GPC3: variants seen among roughly 807,000 people sequenced by gnomAD.
GPC3 encodes glypican 3.
GPC3 carries 3 observed loss-of-function variants against 34.4 expected under a neutral mutation model. The observed-to-expected ratio is 0.09, with a 90% CI of 0.04 to 0.23. GPC3 has a LOEUF of 0.23. Among genes scored for constraint, GPC3 ranks in the 10% least tolerant of loss-of-function variants. The pLI, the probability that GPC3 is intolerant of heterozygous loss-of-function variation, is 1.00. For missense variants in GPC3, 351 were observed against 445.6 expected (o/e 0.79, Z 1.91); for synonymous variants, 177 against 174.0 (o/e 1.02, Z -0.13).
intron 2 of GPC3, among the ~76,000 whole-genome samples, chrX:133,898,730 A>G (rs770149045): frequency 8.9e-6 from 1 of 112,040 alleles, no homozygotes; most frequent in South Asian, 3.7e-4. Context: ...GGTTCAATCT[A>G]TTACTGCTAA....
intron 3 of GPC3, among the ~76,000 whole-genome samples, chrX:133,711,297 C>A: frequency 8.9e-6 from 1 of 112,209 alleles, no homozygotes; most frequent in South Asian, 3.7e-4. Context: ...CACAGAGTTT[C>A]ATCTTCAATA....
chrX:133,829,214 T>C (rs1427370890), intron 2 of GPC3, among the ~76,000 whole-genome samples: 1 of 111,807 alleles, frequency 8.9e-6, no homozygotes, highest in African/African-American at 3.3e-5. Flanking sequence ...ACCAAAACGT[T>C]ATTAGAGACA....
In GPC3 at chrX:133,985,164, C is replaced by A. The variant is rs760902926; in HGVS notation, c.175+111G>T. 1.1e-3 allele frequency: 930 copies of A among 856,690 alleles called. 7 individuals carry two copies. In the African/African-American group the frequency reaches 0.015, roughly 14 times the overall value. The allele number at this position is 856,690 out of a possible 1,213,427, so 70.6% of individuals were successfully genotyped here. A position where few individuals can be genotyped will look rare whatever the true frequency, so the allele number is the denominator to read the frequency against. On this transcript the variant is annotated intron_variant, in intron 1 of 7. Coordinates refer to ENST00000370818, the MANE Select transcript of GPC3 (RefSeq NM_004484.4). ...ACACCGACCACTCCCAAGTGCCCAG[C>A]TGCAGGGCGCACGACTACAGCCCGG... is the stretch of plus-strand genomic sequence containing the variant.
intron 2 of GPC3, among the ~76,000 whole-genome samples, chrX:133,876,935 C>T (rs924430402): frequency 9.0e-6 from 1 of 111,693 alleles, no homozygotes; most frequent in African/African-American, 3.2e-5. Flanking sequence ...TTAAGGGTTA[C>T]TTATGATGGT....
At chrX:133,576,232 TTTTG>T (rs760162741) in intron 7 of GPC3, among the ~76,000 whole-genome samples, 1 of 110,343 alleles carries the variant, frequency 9.1e-6, no homozygotes, top group Non-Finnish European at 1.9e-5. Context: ...AGCTCTGTTT[TTTTG>T]TTTGTTTGTT....
intron 3 of GPC3, among the ~76,000 whole-genome samples, chrX:133,716,762 A>C (rs952496920): frequency 9.0e-6 from 1 of 111,632 alleles, no homozygotes; most frequent in Non-Finnish European, 1.9e-5. Context: ...CAGAAAGAGT[A>C]CTTGAAGAAA....
intron 7 of GPC3, among the ~76,000 whole-genome samples, chrX:133,572,263 C>T (rs2069640435): frequency 9.0e-6 from 1 of 111,680 alleles, no homozygotes; most frequent in African/African-American, 3.2e-5. Context: ...GAAGAAATCA[C>T]AAGGAAAATT....
chrX:133,906,005 C>T (rs2076166148), intron 2 of GPC3, among the ~76,000 whole-genome samples: 1 of 111,693 alleles, frequency 9.0e-6, no homozygotes, highest in Non-Finnish European at 1.9e-5. Flanking sequence ...CTCACAAAGA[C>T]CAGGGACATG....
chrX:133,744,127 C>A (rs1193232511), intron 3 of GPC3, among the ~76,000 whole-genome samples: 2 of 111,583 alleles, frequency 1.8e-5, no homozygotes, highest in Non-Finnish European at 3.8e-5. Flanking sequence ...ACTAAAACAC[C>A]AAAAGCAATG....
chrX:133,755,680 A>G (rs1173638756), intron 2 of GPC3, among the ~76,000 whole-genome samples: 2 of 112,401 alleles, frequency 1.8e-5, no homozygotes, highest in African/African-American at 6.5e-5. Flanking sequence ...GGGAAAAAAA[A>G]TCTGCCTTTC....
At chrX:133,667,108 G>T (rs948890448) in intron 5 of GPC3, among the ~76,000 whole-genome samples, 25 of 112,072 alleles carry the variant, frequency 2.2e-4, no homozygotes, top group African/African-American at 8.1e-4. Flanking sequence ...CTTCCGATGT[G>T]ATGTTTTGAT....
intron 2 of GPC3, among the ~76,000 whole-genome samples, chrX:133,821,260 A>G (rs1033549599): frequency 8.0e-5 from 9 of 112,241 alleles, no homozygotes; most frequent in African/African-American, 2.9e-4. Flanking sequence ...CACTCCATTG[A>G]CTAATTAGCT....
chrX:133,893,027 G>A lies in GPC3; in HGVS notation c.337+60023C>T, dbSNP rs779728236. Among the ~76,000 whole-genome samples the A allele has an allele frequency of 3.6e-5, 4 of 111,507 alleles. No homozygotes were observed. The South Asian group carries it at 1.1e-3, about 32-fold the overall frequency. ...TCCCAGAACTTTGGGAGGCCAAGGC[G>A]GGCGGATCATCTGAGGTCAGGAGTT... On this transcript the variant is annotated intron_variant, in intron 2 of 7. Transcript: ENST00000370818.
chrX:133,879,096 T>G (rs753578496), intron 2 of GPC3, among the ~76,000 whole-genome samples: 1 of 111,328 alleles, frequency 9.0e-6, no homozygotes, highest in African/African-American at 3.3e-5. Flanking sequence ...GTGGCTTTGT[T>G]GGACTACATC....
chrX:133,945,825 G>A (rs2076365971), intron 2 of GPC3, among the ~76,000 whole-genome samples: 1 of 111,281 alleles, frequency 9.0e-6, no homozygotes, highest in African/African-American at 3.3e-5. Context: ...AAGCTACAGG[G>A]ACCCTGCACT....
intron 2 of GPC3, among the ~76,000 whole-genome samples, chrX:133,758,951 G>A (rs755741506): frequency 1.4e-4 from 15 of 111,043 alleles, no homozygotes; most frequent in Non-Finnish European, 2.3e-4. Context: ...GCTTAACGGT[G>A]AGCAACTGCA....
At position 133,776,884 on chromosome X, in the gene GPC3, T is replaced by A. The variant is rs934806489; in HGVS notation, c.338-22708A>T. Among the ~76,000 whole-genome samples, 31 of 93,513 alleles carry A rather than the reference T, an allele frequency of 3.3e-4. 1 individual carries two copies. In the Admixed American group the frequency reaches 3.5e-3, roughly 11 times the overall value. The allele number at this position is 93,513 out of a possible 115,157, so 81.2% of individuals were successfully genotyped here. On this transcript the variant is annotated intron_variant, in intron 2 of 7. Transcript: ENST00000370818. The stretch of plus-strand genomic sequence containing the variant: ...TAGTCACGTCCTTTCTTTTCTTTTT[T>A]TTTTTTTTTTTTTGAGATGGAGTCT...
At chrX:133,618,979 C>T (rs1315522588) in intron 6 of GPC3, among the ~76,000 whole-genome samples, 1 of 109,991 alleles carries the variant, frequency 9.1e-6, no homozygotes, top group Non-Finnish European at 1.9e-5. Context: ...AGAACTCTTA[C>T]AAGTCAAAAA....
intron 5 of GPC3, chrX:133,670,925 A>T: frequency 2.5e-6 from 1 of 395,518 alleles, no homozygotes; most frequent in Non-Finnish European, 4.4e-6. Flanking sequence ...ATATCTAAAT[A>T]AAAATGTCTT....
Sources: gnomAD v4.1 joint callset for allele counts (sites outside exome capture counted in the v4.1 genomes callset) on GRCh38, gnomAD v4.1.1 for gene constraint, MANE v1.5 for transcripts, NCBI Gene and HGNC (gene_info 2026-07-23, HGNC 2026-07-21) for gene names.